The following KSR2 variants were observed in gnomAD, a reference collection of about 807,000 sequenced individuals.
KSR2 encodes the protein kinase suppressor of ras 2.
In KSR2, 25 loss-of-function variants were observed where a neutral mutation model predicts 107.8. The observed-to-expected ratio is 0.23, with a 90% CI of 0.17 to 0.32. KSR2 has a LOEUF of 0.32. Among genes scored for constraint, KSR2 ranks in the 10% least tolerant of loss-of-function variants. The pLI, the probability that KSR2 is intolerant of heterozygous loss-of-function variation, is 1.00. For missense variants in KSR2, 887 were observed against 1,268.9 expected (o/e 0.70, Z 4.57); for synonymous variants, 480 against 507.0 (o/e 0.95, Z 0.71).
intron 4 of KSR2, among the ~76,000 whole-genome samples, chr12:117,718,545 A>G (rs1887084977): frequency 6.6e-6 from 1 of 152,162 alleles, no homozygotes; most frequent in African/African-American, 2.4e-5. Flanking sequence ...TCACCTCCTC[A>G]GGCAGACCAT....
intron 3 of KSR2, among the ~76,000 whole-genome samples, chr12:117,778,831 T>G (rs1175512456): frequency 6.6e-6 from 1 of 152,220 alleles, no homozygotes; most frequent in Non-Finnish European, 1.5e-5. Context: ...AACCCTTTGT[T>G]GTTCTATTGC....
In KSR2 at chr12:117,614,299, A is replaced by G. The variant is rs535998872; in HGVS notation, c.1172-31940T>C. Among the ~76,000 whole-genome samples, 6 of 152,322 alleles carry G rather than the reference A, an allele frequency of 3.9e-5. No individual in the cohort carries two copies. The East Asian group carries it at 7.7e-4, about 20-fold the overall frequency. On this transcript the variant is annotated intron_variant, in intron 5 of 19. Transcript: ENST00000339824. Reference sequence around the variant, plus strand: ...GCAGAATGTGACCTTTTTACTTTATATAATTGTGTATTGTTTTAATTTGTT... The same window carrying G: ...GCAGAATGTGACCTTTTTACTTTATGTAATTGTGTATTGTTTTAATTTGTT...
At chr12:117,610,320 T>C (rs1012887602) in intron 5 of KSR2, among the ~76,000 whole-genome samples, 1 of 152,200 alleles carries the variant, frequency 6.6e-6, no homozygotes, top group African/African-American at 2.4e-5. Context: ...GCTGGGCAGA[T>C]TGTTTTAGAA....
At chr12:117,667,020 T>C (rs1884684402) in intron 5 of KSR2, among the ~76,000 whole-genome samples, 1 of 152,182 alleles carries the variant, frequency 6.6e-6, no homozygotes, top group Non-Finnish European at 1.5e-5. Flanking sequence ...ATGTAAAGGT[T>C]ATATATATTG....
At chr12:117,959,862 T>C (rs1331290945) in intron 1 of KSR2, among the ~76,000 whole-genome samples, 1 of 150,140 alleles carries the variant, frequency 6.7e-6, no homozygotes. Flanking sequence ...GCCTGGGAGG[T>C]CGAGGCTTCA....
intron 2 of KSR2, among the ~76,000 whole-genome samples, chr12:117,859,479 C>A (rs1893214950): frequency 7.2e-6 from 1 of 139,304 alleles, no homozygotes; most frequent in African/African-American, 2.7e-5. Flanking sequence ...TTTTTTGAGA[C>A]AGGGTCTCAC....
At chr12:117,929,868 G>A (rs1837076629) in intron 1 of KSR2, among the ~76,000 whole-genome samples, 1 of 152,112 alleles carries the variant, frequency 6.6e-6, no homozygotes, top group African/African-American at 2.4e-5. Context: ...AGGGGAAATG[G>A]AGAGTTCTTG....
Position 117,458,794 on chromosome 12 carries a change from G to C in KSR2, c.*8405C>G, listed in dbSNP as rs560872747. ...CACTAGGACCTCAAGATCTTATCTG[G>C]GTGGAAACTTGATTTTGAGCCTTCC... On this transcript the variant is annotated 3_prime_UTR_variant, in exon 20 of 20. Coordinates refer to ENST00000339824, the MANE Select transcript of KSR2 (RefSeq NM_173598.6). 2 of 152,138 alleles carry C rather than the reference G, an allele frequency of 1.3e-5. No individual in the cohort carries two copies. Among genetic ancestry groups the C allele is most frequent in the Non-Finnish European group, 2.9e-5 (2 of 68,030 alleles). The allele number at this position is 152,138 out of a possible 1,614,324, so 9.4% of individuals were successfully genotyped here.
At chr12:117,757,056 A>AC (rs1888823593) in intron 4 of KSR2, among the ~76,000 whole-genome samples, 1 of 114,734 alleles carries the variant, frequency 8.7e-6, no homozygotes, top group South Asian at 2.9e-4. Context: ...CTCCATCTCA[A>AC]AAAAAAAAAA....
chr12:117,855,303 G>C, intron 3 of KSR2, 125 bp downstream of exon 3: 2 of 1,268,472 alleles, frequency 1.6e-6, no homozygotes, highest in South Asian at 2.8e-5. Flanking sequence ...CCTGCGTTTC[G>C]GATTTGCCCC....
intron 10 of KSR2, chr12:117,539,402 C>T (rs1477329799): frequency 2.5e-5 from 8 of 320,556 alleles, no homozygotes; most frequent in Middle Eastern, 1.6e-3. Context: ...TAGGCGAAGA[C>T]CCTGGGTTGT....
At chr12:117,484,658 C>A (rs1872357285) in intron 15 of KSR2, 109 bp from the exon 16 acceptor site, 2 of 1,084,862 alleles carry the variant, frequency 1.8e-6, no homozygotes, top group East Asian at 5.1e-5. Context: ...CCTAATGGGA[C>A]CACACTCAAC....
intron 17 of KSR2, among the ~76,000 whole-genome samples, chr12:117,475,347 T>C (rs979078675): frequency 6.6e-6 from 1 of 152,198 alleles, no homozygotes; most frequent in Non-Finnish European, 1.5e-5. Flanking sequence ...GCCTAATTTT[T>C]TTCCTGACTC....
chr12:117,905,479 A>G (rs1894813753), intron 1 of KSR2, among the ~76,000 whole-genome samples: 1 of 152,180 alleles, frequency 6.6e-6, no homozygotes, highest in African/African-American at 2.4e-5. Flanking sequence ...AATGCACCAC[A>G]TTCTGGGACA....
In KSR2 at chr12:117,936,530, T is replaced by TAGTAGTAGTAG. The variant is rs1566089629; in HGVS notation, c.180+31545_180+31546insCTACTACTACT. ...TATTATTTTATTATTATTATTATTA[T>TAGTAGTAGTAG]TATTAGTAGTAGTAGTAGTAGTAGT... On this transcript the variant is annotated intron_variant, in intron 1 of 19. Transcript: ENST00000339824. 4.5e-3 allele frequency among the ~76,000 whole-genome samples: 521 copies of TAGTAGTAGTAG among 115,280 alleles called. 2 individuals carry two copies. Among genetic ancestry groups the TAGTAGTAGTAG allele is most frequent in the South Asian group, 7.4e-3 (21 of 2,840 alleles). The allele number at this position is 115,280 out of a possible 152,430, so 75.6% of individuals were successfully genotyped here.
intron 15 of KSR2, among the ~76,000 whole-genome samples, chr12:117,485,127 A>G (rs1360668770): frequency 6.6e-6 from 1 of 152,234 alleles, no homozygotes; most frequent in Non-Finnish European, 1.5e-5. Flanking sequence ...AATGAGAAAT[A>G]AAAGCTTGAG....
At chr12:117,559,844 G>A (rs1460153064) in intron 7 of KSR2, among the ~76,000 whole-genome samples, 2 of 152,180 alleles carry the variant, frequency 1.3e-5, no homozygotes, top group East Asian at 1.9e-4. Flanking sequence ...GGAAGATGCC[G>A]TAAGTGCCCC....
chr12:117,730,040 T>C (rs539214948), intron 4 of KSR2, among the ~76,000 whole-genome samples: 14 of 152,338 alleles, frequency 9.2e-5, no homozygotes, highest in Non-Finnish European at 1.6e-4. Context: ...GTAGGCTCTG[T>C]GGGCCATATG....
chr12:117,953,570 C>A (rs1461150484), intron 1 of KSR2, among the ~76,000 whole-genome samples: 1 of 152,086 alleles, frequency 6.6e-6, no homozygotes, highest in Non-Finnish European at 1.5e-5. Flanking sequence ...TAACAAATAT[C>A]ATATGATGCT....
Sources: gnomAD v4.1 joint callset for allele counts (sites outside exome capture counted in the v4.1 genomes callset) on GRCh38, gnomAD v4.1.1 for gene constraint, MANE v1.5 for transcripts, NCBI Gene and HGNC (gene_info 2026-07-23, HGNC 2026-07-21) for gene names.